MAPK4: variants seen among roughly 807,000 people sequenced by gnomAD.
MAPK4 encodes Erk3-related.
Under a neutral mutation model 47.7 loss-of-function variants are expected in MAPK4, and 22 were observed. The observed-to-expected ratio is 0.46, with a 90% CI of 0.33 to 0.66. MAPK4 has a LOEUF of 0.66. MAPK4 is among the 30% of genes least tolerant of loss of function. The pLI is 0.02. For missense variants in MAPK4, 736 were observed against 831.7 expected (o/e 0.88, Z 1.42); for synonymous variants, 390 against 365.7 (o/e 1.07, Z -0.76).
intron 1 of MAPK4, among the ~76,000 whole-genome samples, chr18:50,607,622 G>T (rs1281447142): frequency 1.3e-5 from 2 of 152,178 alleles, no homozygotes; most frequent in Non-Finnish European, 2.9e-5. Context: ...CAGTTCTGAC[G>T]CACACAGTAA....
chr18:50,704,964 G>C, intron 2 of MAPK4: 1 of 390,822 alleles, frequency 2.6e-6, no homozygotes. Flanking sequence ...TTTGAGGGTG[G>C]AGGTGTAGAG....
At chr18:50,669,394 G>A (rs1285637231) in intron 2 of MAPK4, 1 of 152,284 alleles carries the variant, frequency 6.6e-6, no homozygotes. Context: ...CGGAGGTCCT[G>A]AGGAGCACGA....
intron 2 of MAPK4, among the ~76,000 whole-genome samples, chr18:50,683,739 C>T (rs1375829526): frequency 6.6e-6 from 1 of 152,144 alleles, no homozygotes; most frequent in Non-Finnish European, 1.5e-5. Flanking sequence ...AATTTACCCA[C>T]ACAGCTCTTT....
At chr18:50,625,481 G>T (rs559966262) in intron 1 of MAPK4, among the ~76,000 whole-genome samples, 7 of 152,042 alleles carry the variant, frequency 4.6e-5, no homozygotes, top group Admixed American at 3.3e-4. Context: ...CCCCCATTCC[G>T]TGAGCAAATG....
chr18:50,652,642 A>T (rs148744128), intron 1 of MAPK4, among the ~76,000 whole-genome samples: 1 of 152,312 alleles, frequency 6.6e-6, no homozygotes, highest in African/African-American at 2.4e-5. Flanking sequence ...CTCAGATATT[A>T]ATATTGATGC....
intron 1 of MAPK4, among the ~76,000 whole-genome samples, chr18:50,593,678 C>A (rs1231584309): frequency 6.6e-6 from 1 of 152,116 alleles, no homozygotes; most frequent in Non-Finnish European, 1.5e-5. Context: ...TTGATGCAGT[C>A]CCAGTGAAAA....
chr18:50,617,035 AC>A (rs2042690732), intron 1 of MAPK4, among the ~76,000 whole-genome samples: 1 of 152,240 alleles, frequency 6.6e-6, no homozygotes. Flanking sequence ...TATCATTACC[AC>A]CACCATCAAC....
At chr18:50,571,019 G>A (rs2042245519) in intron 1 of MAPK4, among the ~76,000 whole-genome samples, 1 of 152,028 alleles carries the variant, frequency 6.6e-6, no homozygotes, top group African/African-American at 2.4e-5. Context: ...GAAAATCACT[G>A]TCTGCCCAGG....
chr18:50,711,404 A>G (rs1253739726), intron 2 of MAPK4, among the ~76,000 whole-genome samples: 2 of 152,234 alleles, frequency 1.3e-5, no homozygotes, highest in Admixed American at 1.3e-4. Context: ...GAGGAAATAG[A>G]CGATTAGGAA....
Position 50,684,924 on chromosome 18 carries a change from G to A in MAPK4, c.546+20420G>A, listed in dbSNP as rs1389097354. ...TGCCCTGCAGACGTCTCCATGTTTC[G>A]GTGGCACCGGGCCCCATCTTTGTTC... On this transcript the variant is annotated intron_variant, in intron 2 of 5. Transcript: ENST00000400384. Among the ~76,000 whole-genome samples the A allele has an allele frequency of 2.0e-5, 3 of 152,312 alleles. No homozygotes were observed. In the East Asian group the frequency reaches 5.8e-4, roughly 29 times the overall value.
chr18:50,578,541 A>G (rs1463716601), intron 1 of MAPK4, among the ~76,000 whole-genome samples: 2 of 152,248 alleles, frequency 1.3e-5, no homozygotes, highest in African/African-American at 2.4e-5. Flanking sequence ...TGTTTGGTCA[A>G]GGAAAAGGAA....
At chr18:50,677,403 A>G (rs948428807) in intron 2 of MAPK4, among the ~76,000 whole-genome samples, 3 of 152,236 alleles carry the variant, frequency 2.0e-5, no homozygotes, top group Admixed American at 6.5e-5. Flanking sequence ...TTGCTGCAAC[A>G]GTTTACCCAT....
At position 50,593,961 on chromosome 18, in the gene MAPK4, G is replaced by A. The variant is rs142105661; in HGVS notation, c.-871+33718G>A. Among the ~76,000 whole-genome samples the A allele has an allele frequency of 2.5e-3, 375 of 152,278 alleles. 2 individuals carry two copies. The highest frequency in any genetic ancestry group is 8.7e-3 in the African/African-American group (363 of 41,554). On this transcript the variant is annotated intron_variant, in intron 1 of 5. Coordinates refer to ENST00000400384, the MANE Select transcript of MAPK4 (RefSeq NM_002747.4). ...GAAGAAAGAAGCCAGTAGTGGCTCAGTCTGAGTCCATTCAAAAGCAGGGAA... is the reference window on the plus strand; with the variant it reads ...GAAGAAAGAAGCCAGTAGTGGCTCAATCTGAGTCCATTCAAAAGCAGGGAA...
At chr18:50,594,453 T>C (rs970961149) in intron 1 of MAPK4, among the ~76,000 whole-genome samples, 3 of 152,200 alleles carry the variant, frequency 2.0e-5, no homozygotes, top group African/African-American at 7.2e-5. Flanking sequence ...AACACACCCA[T>C]ACATTTACAG....
In MAPK4 at chr18:50,664,478, A is replaced by G; in HGVS notation, c.520A>G (p.Ile174Val). Reference sequence around the variant, plus strand: ...GATTGGGGATTTCGGGTTGGCAAGGATCGTTGATCAGCATTACTCCCACAA... The same window carrying G: ...GATTGGGGATTTCGGGTTGGCAAGGGTCGTTGATCAGCATTACTCCCACAA... Reference protein sequence around the residue: ...LKIGDFGLARIVDQHYSHKGY... With the variant: ...LKIGDFGLARVVDQHYSHKGY... The change falls in exon 2 of 6, where the codon ATC becomes GTC. Residue 174 changes from isoleucine to valine, a missense_variant. By Grantham distance (29) the Ile-to-Val change is conservative. Around this residue, in one of 3 missense-constraint regions of MAPK4, gnomAD observed 327 missense variants for 395.4 expected, o/e 0.83. Transcript: ENST00000400384. This position sits in a 1 kb window ranked among gnomAD's most constrained non-coding sequence, Gnocchi z 6.0. 1 of 1,604,838 alleles carries G rather than the reference A, an allele frequency of 6.2e-7. No individual in the cohort carries two copies. The highest frequency in any genetic ancestry group is 8.5e-7 in the Non-Finnish European group (1 of 1,174,142).
At chr18:50,682,045 AT>A (rs1238163117) in intron 2 of MAPK4, among the ~76,000 whole-genome samples, 1 of 152,210 alleles carries the variant, frequency 6.6e-6, no homozygotes, top group Non-Finnish European at 1.5e-5. Context: ...CAGAAAATAG[AT>A]TAGTGGTGCC....
chr18:50,635,695 C>A (rs1568055353), intron 1 of MAPK4, among the ~76,000 whole-genome samples: 1 of 152,160 alleles, frequency 6.6e-6, no homozygotes, highest in Admixed American at 6.5e-5. Context: ...TCCATAAGAC[C>A]CCATGCCTGG....
chr18:50,653,364 G>A (rs979308675), intron 1 of MAPK4, among the ~76,000 whole-genome samples: 2 of 152,176 alleles, frequency 1.3e-5, no homozygotes, highest in Admixed American at 6.5e-5. Flanking sequence ...AGAGTTCAGC[G>A]AGACTGGAGA....
chr18:50,632,670 A>G (rs1256420291), intron 1 of MAPK4, among the ~76,000 whole-genome samples: 4 of 133,780 alleles, frequency 3.0e-5, no homozygotes, highest in Non-Finnish European at 4.6e-5. Context: ...TCCAGGCTGG[A>G]GTGCAGTGAT....
Sources: allele counts gnomAD v4.1 joint callset (sites outside exome capture counted in the v4.1 genomes callset), GRCh38; gene constraint gnomAD v4.1.1; regional missense constraint gnomAD v4.1.1; non-coding constraint Gnocchi (gnomAD v3.1); transcripts MANE v1.5; gene names NCBI Gene and HGNC (gene_info 2026-07-23, HGNC 2026-07-21).